Variants in RFX4 observed in about 807,000 individuals in gnomAD.
The protein encoded by RFX4 is regulatory factor X4, also known as transcription factor RFX4.
RFX4 carries 10 observed loss-of-function variants against 95.0 expected under a neutral mutation model. That is an observed-to-expected ratio of 0.11 (90% CI 0.06 to 0.18). RFX4 has a LOEUF of 0.18. Ranked by LOEUF, RFX4 falls within the 10% of genes least tolerant of loss-of-function variation. RFX4 has a pLI of 1.00. For missense variants in RFX4, 640 were observed against 922.0 expected (o/e 0.69, Z 3.96); for synonymous variants, 321 against 340.7 (o/e 0.94, Z 0.64).
At chr12:106,710,294 C>T (rs939878115) in intron 9 of RFX4, among the ~76,000 whole-genome samples, 7 of 152,182 alleles carry the variant, frequency 4.6e-5, no homozygotes, top group East Asian at 1.9e-4. Flanking sequence ...CTTTCAGACG[C>T]GCTTTGAGGC....
chr12:106,655,458 G>A (rs2040939021), intron 4 of RFX4, among the ~76,000 whole-genome samples: 1 of 152,324 alleles, frequency 6.6e-6, no homozygotes, highest in Non-Finnish European at 1.5e-5. Flanking sequence ...GTGTTAAGTA[G>A]TGGCAGTGGG....
chr12:106,658,911 G>A (rs1036078216), intron 4 of RFX4, among the ~76,000 whole-genome samples: 1 of 152,272 alleles, frequency 6.6e-6, no homozygotes, highest in East Asian at 1.9e-4. Flanking sequence ...ACTGCACACC[G>A]AGTGTTACAC....
chr12:106,590,666 C>T (rs936441047), intron 1 of RFX4, among the ~76,000 whole-genome samples: 2 of 152,200 alleles, frequency 1.3e-5, no homozygotes, highest in African/African-American at 2.4e-5. Flanking sequence ...GATATAATGG[C>T]CAGGTGCTGT....
chr12:106,585,038 C>T (rs2039434026), intron 1 of RFX4, among the ~76,000 whole-genome samples: 1 of 152,250 alleles, frequency 6.6e-6, no homozygotes, highest in African/African-American at 2.4e-5. Flanking sequence ...TCAAGCGCTG[C>T]GCCCTCACCA....
intron 5 of RFX4, among the ~76,000 whole-genome samples, chr12:106,684,194 C>G (rs1470587477): frequency 1.3e-5 from 2 of 152,128 alleles, no homozygotes; most frequent in African/African-American, 4.8e-5. Flanking sequence ...TGGTGAAACC[C>G]CATCTCTACA....
At chr12:106,603,794 T>G (rs1275480371) in intron 1 of RFX4, among the ~76,000 whole-genome samples, 8 of 152,234 alleles carry the variant, frequency 5.3e-5, no homozygotes, top group Non-Finnish European at 2.9e-5. Context: ...AAGCCTAACT[T>G]TCCATATCTA....
At chr12:106,681,432 C>T (rs6539279) in intron 4 of RFX4, among the ~76,000 whole-genome samples, 32,807 of 152,172 alleles carry the variant, frequency 0.22, 4,021 homozygotes, top group East Asian at 0.34. Flanking sequence ...GGACATTGTC[C>T]AGACGCCTGA....
At chr12:106,682,205 G>C in intron 5 of RFX4, 151 bp downstream of exon 5, 1 of 725,952 alleles carries the variant, frequency 1.4e-6, no homozygotes, top group African/African-American at 1.8e-5. Flanking sequence ...TGACGGCCAG[G>C]GCCCCTCTCT....
rs111451063 is a variant in RFX4 at position 106,614,930 on chromosome 12, C to T, written c.130+6047C>T. Among the ~76,000 whole-genome samples the T allele has an allele frequency of 5.1e-4, 77 of 152,204 alleles. 1 individual carries two copies. Among genetic ancestry groups the T allele is most frequent in the African/African-American group, 1.8e-3 (73 of 41,552 alleles). On this transcript the variant is annotated intron_variant, in intron 2 of 17. Coordinates refer to ENST00000392842, the MANE Select transcript of RFX4 (RefSeq NM_213594.3). The stretch of plus-strand genomic sequence containing the variant: ...GGTAAAAGTATTACAAATATCTTCT[C>T]CTGGTTTGTGGGTTGCTTTTATATT...
rs1391216872 is a variant in RFX4 at position 106,720,106 on chromosome 12, G to A, written c.1233+52G>A. The A allele has an allele frequency of 2.0e-6, 3 of 1,469,978 alleles. No individual in the cohort carries two copies. The highest frequency in any genetic ancestry group is 4.1e-4 in the Middle Eastern group (2 of 4,918). 91.1% of individuals were successfully genotyped at this position (1,469,978 alleles called of 1,614,324 possible). ...GCCTTGGGCCCTGCAGCCCACCACTGCCCTCTGTGAACTTGGCCAAGACAA... is the reference window on the plus strand; with the variant it reads ...GCCTTGGGCCCTGCAGCCCACCACTACCCTCTGTGAACTTGGCCAAGACAA... On this transcript the variant is annotated intron_variant, in intron 12 of 17. Coordinates refer to ENST00000392842, the MANE Select transcript of RFX4 (RefSeq NM_213594.3). The surrounding 1 kb of genome is among the most constrained non-coding windows in gnomAD (Gnocchi z 4.2).
intron 15 of RFX4, among the ~76,000 whole-genome samples, chr12:106,737,181 T>G (rs1437732012): frequency 2.0e-4 from 20 of 100,304 alleles, no homozygotes; most frequent in East Asian, 3.5e-4. Flanking sequence ...TTTTTTTTTT[T>G]TTTTTTTTTT....
At position 106,726,017 on chromosome 12, in the gene RFX4, C is replaced by T. The variant is rs115676673; in HGVS notation, c.1351+5141C>T. 7.6e-3 allele frequency among the ~76,000 whole-genome samples: 1,150 copies of T among 152,016 alleles called. 14 individuals are homozygous for T. The highest frequency in any genetic ancestry group is 0.027 in the African/African-American group (1,110 of 41,474). ...GTCCCAGCACTTTGGGAGGATGAGGCGGGCAGGCAGATCACGAGGTCAGGA... is the reference window on the plus strand; with the variant it reads ...GTCCCAGCACTTTGGGAGGATGAGGTGGGCAGGCAGATCACGAGGTCAGGA... On this transcript the variant is annotated intron_variant, in intron 13 of 17. Transcript: ENST00000392842.
At chr12:106,692,952 G>C (rs2041811800) in intron 7 of RFX4, 1 of 219,620 alleles carries the variant, frequency 4.6e-6, no homozygotes, top group Non-Finnish European at 9.5e-6. Flanking sequence ...GGCCAAACCA[G>C]AGCTCTTAAT....
chr12:106,754,979 G>C (rs1210102260), intron 17 of RFX4, among the ~76,000 whole-genome samples: 2 of 152,184 alleles, frequency 1.3e-5, no homozygotes, highest in African/African-American at 4.8e-5. Context: ...TACTCTCTGG[G>C]GGAAGGTACT....
intron 1 of RFX4, among the ~76,000 whole-genome samples, chr12:106,605,612 C>T (rs910163312): frequency 6.6e-6 from 1 of 152,176 alleles, no homozygotes; most frequent in Non-Finnish European, 1.5e-5. Context: ...ATCCCAAGTG[C>T]CACGTGTTCA....
chr12:106,744,762 C>T (rs1434061208), intron 15 of RFX4, among the ~76,000 whole-genome samples: 1 of 152,078 alleles, frequency 6.6e-6, no homozygotes, highest in African/African-American at 2.4e-5. Flanking sequence ...GTTCACAGCC[C>T]GACTGAACCA....
intron 4 of RFX4, among the ~76,000 whole-genome samples, chr12:106,659,591 G>C (rs578198594): frequency 6.6e-6 from 1 of 152,290 alleles, no homozygotes; most frequent in African/African-American, 2.4e-5. Context: ...CATTTATGTA[G>C]GGCTTTCTGT....
At position 106,762,457 on chromosome 12, in the gene RFX4, A is replaced by G. The variant is rs1009049827; in HGVS notation, c.*988A>G. 3.3e-5 allele frequency: 5 copies of G among 152,730 alleles called. No individual in the cohort carries two copies. The highest frequency in any genetic ancestry group is 6.8e-3 in the Middle Eastern group (2 of 294). The allele number at this position is 152,730 out of a possible 1,614,324, so 9.5% of individuals were successfully genotyped here. The stretch of plus-strand genomic sequence containing the variant: ...AAAGCTGTGCCTTTGAGCCTATACT[A>G]TACTGTGTATGTGTGGAAATAAAAA... On this transcript the variant is annotated 3_prime_UTR_variant, in exon 18 of 18. Transcript: ENST00000392842.
intron 3 of RFX4, among the ~76,000 whole-genome samples, chr12:106,652,168 A>G (rs1425545486): frequency 6.6e-6 from 1 of 152,210 alleles, no homozygotes; most frequent in Non-Finnish European, 1.5e-5. Flanking sequence ...TGTCAAAGAC[A>G]TACATCAGAA....
Sources: gnomAD v4.1 joint callset for allele counts (sites outside exome capture counted in the v4.1 genomes callset) on GRCh38, gnomAD v4.1.1 for gene constraint, Gnocchi (gnomAD v3.1) non-coding constraint, MANE v1.5 for transcripts, NCBI Gene and HGNC (gene_info 2026-07-23, HGNC 2026-07-21) for gene names.